The following DPP10 variants were observed in gnomAD, a reference collection of about 807,000 sequenced individuals.
The protein encoded by DPP10 is inactive dipeptidyl peptidase 10.
In DPP10, 33 loss-of-function variants were observed where a neutral mutation model predicts 120.9. The observed-to-expected ratio is 0.27, with a 90% CI of 0.21 to 0.37. The LOEUF (loss-of-function observed/expected upper bound fraction) is 0.37. DPP10 is among the 10% of genes least tolerant of loss of function. The pLI, the probability that DPP10 is intolerant of heterozygous loss-of-function variation, is 1.00. For synonymous variants in DPP10, 337 were observed against 326.1 expected (o/e 1.03, Z -0.36); for missense variants, 816 against 942.8 (o/e 0.87, Z 1.76).
At chr2:115,153,136 A>T (rs1354954057) in intron 1 of DPP10, among the ~76,000 whole-genome samples, 1 of 152,170 alleles carries the variant, frequency 6.6e-6, no homozygotes, top group African/African-American at 2.4e-5. Flanking sequence ...TATCTTTTTT[A>T]TACTGAAGAG....
chr2:114,660,274 A>G (rs1293045087), intron 1 of DPP10, among the ~76,000 whole-genome samples: 1 of 152,198 alleles, frequency 6.6e-6, no homozygotes, highest in Admixed American at 6.5e-5. Flanking sequence ...TACAGGATGC[A>G]TATATTAGCT....
intron 1 of DPP10, among the ~76,000 whole-genome samples, chr2:114,974,908 G>C (rs192635708): frequency 4.0e-5 from 6 of 151,682 alleles, no homozygotes; most frequent in African/African-American, 1.5e-4. Context: ...AAAATCTGTC[G>C]TATCCATAAA....
intron 13 of DPP10, among the ~76,000 whole-genome samples, chr2:115,770,808 A>G (rs1681369346): frequency 1.3e-5 from 2 of 152,166 alleles, no homozygotes; most frequent in Admixed American, 6.5e-5. Flanking sequence ...CCACAATATC[A>G]TCACCTCATA....
chr2:115,266,361 C>A (rs1385038801), intron 1 of DPP10, among the ~76,000 whole-genome samples: 1 of 152,110 alleles, frequency 6.6e-6, no homozygotes, highest in Non-Finnish European at 1.5e-5. Flanking sequence ...ACCATGGTCA[C>A]CTACGTGCTA....
At chr2:115,520,313 A>G (rs1275461648) in intron 4 of DPP10, among the ~76,000 whole-genome samples, 1 of 152,132 alleles carries the variant, frequency 6.6e-6, no homozygotes, top group Non-Finnish European at 1.5e-5. Context: ...GCGAGACTCC[A>G]TCAAAAAACA....
intron 1 of DPP10, among the ~76,000 whole-genome samples, chr2:114,839,947 T>A (rs537231957): frequency 6.6e-6 from 1 of 152,284 alleles, no homozygotes; most frequent in East Asian, 1.9e-4. Flanking sequence ...GGCAATTTTA[T>A]GCATGAAAAA....
chr2:114,897,730 A>G (rs2106634249), intron 1 of DPP10, among the ~76,000 whole-genome samples: 1 of 152,312 alleles, frequency 6.6e-6, no homozygotes, highest in East Asian at 1.9e-4. Flanking sequence ...TTATGCAGCC[A>G]AAAAACACAT....
intron 1 of DPP10, among the ~76,000 whole-genome samples, chr2:115,119,374 G>C (rs1353450533): frequency 4.6e-5 from 7 of 152,174 alleles, no homozygotes; most frequent in Non-Finnish European, 1.0e-4. Flanking sequence ...TTGGGAGACT[G>C]GTGTTGGCTG....
chr2:114,932,422 C>T (rs1696146592), intron 1 of DPP10, among the ~76,000 whole-genome samples: 1 of 152,070 alleles, frequency 6.6e-6, no homozygotes, highest in African/African-American at 2.4e-5. Flanking sequence ...TATACATCAA[C>T]AGGAGAATAA....
At chr2:115,046,098 T>A (rs1006243696) in intron 1 of DPP10, among the ~76,000 whole-genome samples, 5 of 152,136 alleles carry the variant, frequency 3.3e-5, no homozygotes, top group African/African-American at 4.8e-5. Context: ...TGTTTTCATG[T>A]AAAAGCAATG....
intron 1 of DPP10, among the ~76,000 whole-genome samples, chr2:114,924,461 A>G (rs1464157400): frequency 1.3e-5 from 2 of 151,702 alleles, no homozygotes; most frequent in East Asian, 3.9e-4. Flanking sequence ...TGGGAGGCAG[A>G]GTTTGCAGTG....
At chr2:115,044,811 C>T (rs978735349) in intron 1 of DPP10, among the ~76,000 whole-genome samples, 1 of 152,196 alleles carries the variant, frequency 6.6e-6, no homozygotes, top group African/African-American at 2.4e-5. Flanking sequence ...ATTCTATTCT[C>T]TATCTCCATA....
At chr2:115,376,271 G>A (rs1049690764) in intron 3 of DPP10, among the ~76,000 whole-genome samples, 12 of 152,008 alleles carry the variant, frequency 7.9e-5, no homozygotes, top group Non-Finnish European at 1.2e-4. Context: ...CCTAGAATAC[G>A]AATTTCAAAA....
At chr2:114,506,836 A>T (rs1683706034) in intron 1 of DPP10, among the ~76,000 whole-genome samples, 1 of 152,116 alleles carries the variant, frequency 6.6e-6, no homozygotes, top group Non-Finnish European at 1.5e-5. Context: ...CCCTCCTATG[A>T]TACAAACAAT....
At chr2:115,322,143 C>T (rs568209473) in intron 2 of DPP10, among the ~76,000 whole-genome samples, 2 of 152,154 alleles carry the variant, frequency 1.3e-5, no homozygotes, top group South Asian at 4.2e-4. Context: ...TTGAATATTA[C>T]AGTTTGGAAC....
chr2:114,765,982 A>G (rs1038683297), intron 1 of DPP10, among the ~76,000 whole-genome samples: 5 of 152,166 alleles, frequency 3.3e-5, no homozygotes, highest in Non-Finnish European at 7.4e-5. Context: ...TTAAAACTCA[A>G]AGCAATAAAT....
chr2:115,516,906 A>T (rs140311038), intron 4 of DPP10, among the ~76,000 whole-genome samples: 3,519 of 152,288 alleles, frequency 0.023, 66 homozygotes, highest in Non-Finnish European at 0.032. Context: ...AGGAATATTT[A>T]TCAACAAGAA....
At chr2:114,890,922 G>A (rs749801511) in intron 1 of DPP10, among the ~76,000 whole-genome samples, 6 of 151,962 alleles carry the variant, frequency 3.9e-5, no homozygotes, top group African/African-American at 4.8e-5. Flanking sequence ...TATGTTTAGA[G>A]CACGGTAGCA....
chr2:115,608,252 T>A (rs2083842626), intron 5 of DPP10, among the ~76,000 whole-genome samples: 1 of 151,946 alleles, frequency 6.6e-6, no homozygotes, highest in East Asian at 1.9e-4. Context: ...TAGACAGGCA[T>A]GGTGGTGTGG....
Sources: allele counts gnomAD v4.1 joint callset (sites outside exome capture counted in the v4.1 genomes callset), GRCh38; gene constraint gnomAD v4.1.1; transcripts MANE v1.5; gene names NCBI Gene and HGNC (gene_info 2026-07-23, HGNC 2026-07-21).